Variants in SHISA9 observed in about 807,000 individuals in gnomAD.
SHISA9 encodes the protein protein shisa-9.
A neutral mutation model predicts 38.0 loss-of-function variants in SHISA9; 13 were observed. The observed-to-expected ratio is 0.34, with a 90% confidence interval of 0.22 to 0.54. The LOEUF (loss-of-function observed/expected upper bound fraction) is 0.54, where lower values mean the gene tolerates loss of function less well. Among genes scored for constraint, SHISA9 ranks in the 20% least tolerant of loss-of-function variants. The probability of loss-of-function intolerance (pLI) is 0.91; values close to 1 mark genes in which losing one functional copy is unlikely to be tolerated. For missense variants in SHISA9, 538 were observed against 575.8 expected, an observed-to-expected ratio of 0.93 and a Z score of 0.67; for synonymous variants, 275 against 242.0, an observed-to-expected ratio of 1.14 and a Z score of -1.27.
chr16:12,931,492 T>A (rs983715261), intron 2 of SHISA9, among the ~76,000 whole-genome samples: 1 of 152,206 alleles, frequency 6.6e-6, no homozygotes, highest in Non-Finnish European at 1.5e-5. Context: ...TTTATGTCCA[T>A]GTCTACCCAG....
the SHISA9 span, among the ~76,000 whole-genome samples, chr16:13,258,824 T>C: frequency 1.1e-4 from 16 of 152,224 alleles, no homozygotes; most frequent in African/African-American, 3.9e-4. Flanking sequence ...TACCTCCCTC[T>C]GGGTCCTTCC....
chr16:13,510,038 T>A, the SHISA9 span, among the ~76,000 whole-genome samples: 196 of 152,210 alleles, frequency 1.3e-3, 2 homozygotes, highest in African/African-American at 4.6e-3. Flanking sequence ...AGCCTCAGTG[T>A]CTCACACCTG....
the SHISA9 span, among the ~76,000 whole-genome samples, chr16:13,277,630 C>G: frequency 1.3e-5 from 2 of 151,420 alleles, no homozygotes; most frequent in African/African-American, 4.8e-5. Flanking sequence ...TAGAGGTTTT[C>G]GGACTCCTTG....
chr16:13,331,297 A>G, the SHISA9 span: 2 of 152,142 alleles, frequency 1.3e-5, no homozygotes, highest in African/African-American at 4.8e-5. Flanking sequence ...GAAGGTTAAC[A>G]TAGGACAAAA....
intron 2 of SHISA9, among the ~76,000 whole-genome samples, chr16:13,124,159 C>A (rs1036532396): frequency 6.6e-6 from 1 of 152,170 alleles, no homozygotes. Flanking sequence ...TTCCTAATTC[C>A]TCTCCCACTG....
At chr16:13,436,065 C>A in the SHISA9 span, among the ~76,000 whole-genome samples, 1 of 152,184 alleles carries the variant, frequency 6.6e-6, no homozygotes, top group Non-Finnish European at 1.5e-5. Flanking sequence ...AGAACAAGAG[C>A]TGCCCCCTAG....
intron 2 of SHISA9, among the ~76,000 whole-genome samples, chr16:13,069,703 C>G (rs2073488504): frequency 1.3e-5 from 2 of 151,880 alleles, no homozygotes; most frequent in Admixed American, 1.3e-4. Context: ...GTGCTATGGT[C>G]TCTCACATTT....
rs114474784 is a variant in SHISA9 at position 13,018,436 on chromosome 16, C to G, written c.691+101621C>G. 4.4e-3 allele frequency among the ~76,000 whole-genome samples: 674 copies of G among 152,300 alleles called. 5 individuals are homozygous for G. The highest frequency in any genetic ancestry group is 0.016 in the African/African-American group (660 of 41,582). On this transcript the variant is annotated intron_variant, in intron 2 of 4. Coordinates refer to ENST00000558583, the MANE Select transcript of SHISA9 (RefSeq NM_001145204.3). ...TTCTCTCCTACTCTCAGTCTGTCTACCCCACCTGCTAGCATTTGCCCAGCA... is the reference window on the plus strand; with the variant it reads ...TTCTCTCCTACTCTCAGTCTGTCTAGCCCACCTGCTAGCATTTGCCCAGCA...
intron 2 of SHISA9, among the ~76,000 whole-genome samples, chr16:12,979,614 G>C (rs943544873): frequency 2.6e-5 from 4 of 151,866 alleles, no homozygotes; most frequent in African/African-American, 9.7e-5. Context: ...TTTTTATGTT[G>C]CTTGCTTTTT....
intron 1 of SHISA9, among the ~76,000 whole-genome samples, chr16:12,915,196 C>T (rs536989084): frequency 8.5e-5 from 13 of 152,298 alleles, no homozygotes; most frequent in African/African-American, 2.2e-4. Flanking sequence ...TGCGGTGGCT[C>T]GTGCTTGTAA....
At chr16:13,041,522 A>C (rs370294978) in intron 2 of SHISA9, among the ~76,000 whole-genome samples, 6 of 152,092 alleles carry the variant, frequency 3.9e-5, no homozygotes, top group East Asian at 1.9e-4. Flanking sequence ...TTCTATTCCT[A>C]CCAGCCACTC....
At chr16:13,185,201 C>A (rs1041263977) in intron 2 of SHISA9, among the ~76,000 whole-genome samples, 3 of 152,014 alleles carry the variant, frequency 2.0e-5, no homozygotes, top group Admixed American at 6.6e-5. Context: ...TTTTTTATAT[C>A]TTTGTTTGCT....
the SHISA9 span, among the ~76,000 whole-genome samples, chr16:13,456,632 G>C: frequency 1.1e-4 from 17 of 152,176 alleles, no homozygotes; most frequent in Non-Finnish European, 1.0e-4. Context: ...TGAGGGTCTT[G>C]GCCACTGGAC....
chr16:13,469,386 AAAG>A, the SHISA9 span, among the ~76,000 whole-genome samples: 34 of 97,680 alleles, frequency 3.5e-4, no homozygotes, highest in African/African-American at 1.3e-3. Flanking sequence ...AGAAAGAAAG[AAAG>A]AAAGAAAGAA....
intron 2 of SHISA9, among the ~76,000 whole-genome samples, chr16:12,991,610 G>A (rs957269038): frequency 2.0e-5 from 3 of 152,152 alleles, no homozygotes; most frequent in Admixed American, 2.0e-4. Context: ...TATTGCAATT[G>A]CTGAATAATT....
At chr16:13,512,834 C>A in the SHISA9 span, among the ~76,000 whole-genome samples, 1 of 152,178 alleles carries the variant, frequency 6.6e-6, no homozygotes, top group Non-Finnish European at 1.5e-5. Context: ...GGACCCCATC[C>A]TTATACCGTA....
chr16:13,468,671 C>G, the SHISA9 span, among the ~76,000 whole-genome samples: 1 of 152,008 alleles, frequency 6.6e-6, no homozygotes, highest in Non-Finnish European at 1.5e-5. Context: ...GACTGGTCCT[C>G]AAAGAAATCT....
chr16:13,321,211 C>T, the SHISA9 span, among the ~76,000 whole-genome samples: 1 of 152,240 alleles, frequency 6.6e-6, no homozygotes, highest in East Asian at 1.9e-4. Flanking sequence ...CTACAGGTGG[C>T]AATAGGAAGG....
chr16:12,970,372 T>TATATATATAC (rs2072046548), intron 2 of SHISA9, among the ~76,000 whole-genome samples: 1 of 71,598 alleles, frequency 1.4e-5, no homozygotes, highest in Non-Finnish European at 2.7e-5. Context: ...TATATATACA[T>TATATATATAC]ATATATATAC....
Sources: gnomAD v4.1 joint callset for allele counts (sites outside exome capture counted in the v4.1 genomes callset) on GRCh38, gnomAD v4.1.1 for gene constraint, MANE v1.5 for transcripts, NCBI Gene and HGNC (gene_info 2026-07-23, HGNC 2026-07-21) for gene names.